The following ZSCAN32 variants were observed in gnomAD, a reference collection of about 807,000 sequenced individuals.
ZSCAN32 encodes the protein zinc finger and SCAN domain containing 32.
Under a neutral mutation model 47.4 loss-of-function variants are expected in ZSCAN32, and 52 were observed. The ratio of observed to expected loss-of-function variants is 1.10; its 90% CI spans 0.88 to 1.38. The LOEUF (loss-of-function observed/expected upper bound fraction) is 1.38, where lower values mean the gene tolerates loss of function less well. ZSCAN32 is among the 40% of genes most tolerant of loss of function. The pLI is 0.00. For synonymous variants in ZSCAN32, 346 were observed against 305.7 expected (o/e 1.13, Z -1.38); for missense variants, 959 against 846.0 (o/e 1.13, Z -1.66).
chr16:3,386,996 A>G lies in ZSCAN32; in HGVS notation c.752-2055T>C, dbSNP rs369839673. Among the ~76,000 whole-genome samples, 829 of 151,768 alleles carry G rather than the reference A, an allele frequency of 5.5e-3. 9 individuals carry two copies. Among genetic ancestry groups the G allele is most frequent in the Middle Eastern group, 0.021 (6 of 290 alleles). On this transcript the variant is annotated intron_variant, in intron 5 of 6. Coordinates refer to ENST00000396852, the MANE Select transcript of ZSCAN32 (RefSeq NM_001284527.2). ...TTCTCAAACCGTGCCACAACTGGCT[A>G]TTGTTATTTCTAGGAAGAAATCTCA...
chr16:3,393,735 G>A lies in ZSCAN32; in HGVS notation c.446C>T (p.Ser149Phe), dbSNP rs1224353877. 2 of 1,550,410 alleles carry A rather than the reference G, an allele frequency of 1.3e-6. No homozygotes were observed. Among genetic ancestry groups the A allele is most frequent in the Non-Finnish European group, 1.7e-6 (2 of 1,146,940 alleles). Residue 149 changes from serine (S) to phenylalanine (F), a missense_variant, in exon 3 of 7, where the codon TCC becomes TTC. By Grantham distance (155) the Ser-to-Phe change is radical. Coordinates refer to ENST00000396852, the MANE Select transcript of ZSCAN32 (RefSeq NM_001284527.2). ...PLGATRESLRSQWKQEVQPEE... is the reference protein window; with the variant it reads ...PLGATRESLRFQWKQEVQPEE... ...TGGCTGAACCTCCTGTTTCCATTGG[G>A]ATCTCAGTGATTCTCTGGTTGCTCC...
chr16:3,384,537 T>G lies in ZSCAN32; in HGVS notation c.1156A>C (p.Arg386=). The change falls in exon 6 of 7, where the codon AGG becomes CGG. Residue 386 remains arginine, a synonymous_variant. Transcript: ENST00000396852. Reference sequence around the variant, plus strand: ...GGATTCCTGAAGTCCTTTTCATCCCTGTCTGCACCATCCACAGTGCCATCT... The same window carrying G: ...GGATTCCTGAAGTCCTTTTCATCCCGGTCTGCACCATCCACAGTGCCATCT... The part of the protein sequence containing the change: ...VEDGTVDGAD[R]DEKDFRNPGQ... The G allele has an allele frequency of 6.2e-7, 1 of 1,614,202 alleles. No individual in the cohort carries two copies. The highest frequency in any genetic ancestry group is 8.5e-7 in the Non-Finnish European group (1 of 1,180,030).
intron 5 of ZSCAN32, among the ~76,000 whole-genome samples, chr16:3,389,503 A>C (rs570885992): frequency 2.6e-5 from 4 of 152,296 alleles, no homozygotes; most frequent in South Asian, 2.1e-4. Flanking sequence ...AAGGCAAGAG[A>C]GCGGTCTGCT....
intron 5 of ZSCAN32, among the ~76,000 whole-genome samples, chr16:3,387,345 C>T (rs2032136773): frequency 1.3e-5 from 2 of 152,226 alleles, no homozygotes; most frequent in South Asian, 4.1e-4. Context: ...ACAGGAATAC[C>T]TCCTCAGCCA....
chr16:3,386,940 A>C (rs1271063674), intron 5 of ZSCAN32, among the ~76,000 whole-genome samples: 2 of 2,680 alleles, frequency 7.5e-4, no homozygotes, highest in South Asian at 0.014. Context: ...TTAAAGTATA[A>C]AAAAAAAAAA....
At chr16:3,389,618 A>C (rs995658775) in intron 5 of ZSCAN32, among the ~76,000 whole-genome samples, 5 of 151,912 alleles carry the variant, frequency 3.3e-5, no homozygotes, top group African/African-American at 1.2e-4. Flanking sequence ...TTTATTTGTT[A>C]ATCTCCTCTG....
At position 3,382,882 on chromosome 16, in the gene ZSCAN32, G is replaced by A. The variant is rs1431459918; in HGVS notation, c.2064C>T (p.Leu688=). 22 of 1,582,222 alleles carry A rather than the reference G, an allele frequency of 1.4e-5. No individual in the cohort carries two copies. The highest frequency in any genetic ancestry group is 1.9e-5 in the Non-Finnish European group (22 of 1,161,932). ...RHQTVHMKAV[L]SSQEGRDAL is the part of the protein sequence containing the mutation. Reference sequence around the variant, plus strand: ...ACGCATCTCTTCCTTCCTGTGATGAGAGTACTGCTTTCATGTGTACTGTCT... The same window carrying A: ...ACGCATCTCTTCCTTCCTGTGATGAAAGTACTGCTTTCATGTGTACTGTCT... The change falls in exon 7 of 7, where the codon CTC becomes CTT. Residue 688 remains leucine, a synonymous_variant. Transcript: ENST00000396852.
At chr16:3,400,186 T>A (rs981576102) in intron 1 of ZSCAN32, among the ~76,000 whole-genome samples, 2 of 152,258 alleles carry the variant, frequency 1.3e-5, no homozygotes, top group Non-Finnish European at 2.9e-5. Context: ...CTGCCTTCAC[T>A]TAAATTCTCT....
intron 5 of ZSCAN32, among the ~76,000 whole-genome samples, chr16:3,386,535 C>T (rs2032013106): frequency 6.6e-6 from 1 of 152,094 alleles, no homozygotes; most frequent in African/African-American, 2.4e-5. Flanking sequence ...AGACTTGGAA[C>T]CAAGCCAAAT....
intron 1 of ZSCAN32, among the ~76,000 whole-genome samples, chr16:3,400,523 T>C (rs2033791731): frequency 6.6e-6 from 1 of 152,234 alleles, no homozygotes; most frequent in Non-Finnish European, 1.5e-5. Flanking sequence ...AAAATTTTAC[T>C]TCACTCTAGC....
At chr16:3,400,378 G>T (rs1197733031) in intron 1 of ZSCAN32, among the ~76,000 whole-genome samples, 1 of 152,160 alleles carries the variant, frequency 6.6e-6, no homozygotes, top group Non-Finnish European at 1.5e-5. Flanking sequence ...TGTTCATCCT[G>T]TGCCTTACCT....
At chr16:3,390,316 A>T (rs2032527926) in intron 4 of ZSCAN32, 107 bp downstream of exon 4, 1 of 1,358,648 alleles carries the variant, frequency 7.4e-7, no homozygotes, top group African/African-American at 1.5e-5. Flanking sequence ...AAATAACCCG[A>T]GAAGCCCCAT....
intron 5 of ZSCAN32, among the ~76,000 whole-genome samples, chr16:3,385,493 C>G (rs887779604): frequency 3.2e-4 from 49 of 152,252 alleles, no homozygotes; most frequent in Non-Finnish European, 5.4e-4. Flanking sequence ...CAAGTCAATC[C>G]TAAGCCAAAA....
Position 3,384,818 on chromosome 16 carries a change from T to G in ZSCAN32, c.875A>C (p.Glu292Ala). 1 of 1,614,178 alleles carries G rather than the reference T, an allele frequency of 6.2e-7. No homozygotes were observed. The highest frequency in any genetic ancestry group is 8.5e-7 in the Non-Finnish European group (1 of 1,180,008). The change falls in exon 6 of 7, where the codon GAA becomes GCA. Residue 292 changes from glutamate to alanine, a missense_variant. Glu to Ala is a moderately radical substitution (Grantham distance 107, BLOSUM62 -1). Coordinates refer to ENST00000396852, the MANE Select transcript of ZSCAN32 (RefSeq NM_001284527.2). The part of the protein sequence containing the change: ...QNSQIYRAMA[E>A]GLWEQGFLRT... ...CAGAAAACCCTGCTCCCAGAGTCCTTCCGCCATGGCCCTGTAGATCTGGCT... is the reference window on the plus strand; with the variant it reads ...CAGAAAACCCTGCTCCCAGAGTCCTGCCGCCATGGCCCTGTAGATCTGGCT...
intron 3 of ZSCAN32, 45 bp from the exon 4 acceptor site, chr16:3,390,562 C>A (rs1305098176): frequency 4.8e-6 from 7 of 1,460,706 alleles, no homozygotes; most frequent in African/African-American, 1.4e-5. Context: ...TTCCACACAA[C>A]AGCACAGAGC....
intron 3 of ZSCAN32, among the ~76,000 whole-genome samples, chr16:3,391,877 A>T (rs1018303734): frequency 1.5e-4 from 22 of 151,398 alleles, no homozygotes; most frequent in Non-Finnish European, 2.8e-4. Flanking sequence ...GCAGCAGTGA[A>T]CTATGATGCC....
At chr16:3,392,628 C>A (rs2032849995) in intron 3 of ZSCAN32, among the ~76,000 whole-genome samples, 1 of 152,094 alleles carries the variant, frequency 6.6e-6, no homozygotes, top group South Asian at 2.1e-4. Context: ...GAGATCGAGA[C>A]CATCCTGGCT....
At chr16:3,384,295 A>G in intron 6 of ZSCAN32, 164 bp downstream of exon 6, 1 of 948,630 alleles carries the variant, frequency 1.1e-6, no homozygotes, top group Non-Finnish European at 1.6e-6. Flanking sequence ...GTAAAATGCA[A>G]GGGGAATAAC....
intron 1 of ZSCAN32, among the ~76,000 whole-genome samples, chr16:3,400,195 C>G (rs2033757732): frequency 6.6e-6 from 1 of 152,176 alleles, no homozygotes; most frequent in South Asian, 2.1e-4. Context: ...CTTAAATTCT[C>G]TTTACATTTC....
Sources: allele counts gnomAD v4.1 joint callset (sites outside exome capture counted in the v4.1 genomes callset), GRCh38; gene constraint gnomAD v4.1.1; transcripts MANE v1.5; gene names NCBI Gene and HGNC (gene_info 2026-07-23, HGNC 2026-07-21).